The following ANO3 variants were observed in gnomAD, a reference collection of about 807,000 sequenced individuals.
ANO3 encodes anoctamin-3.
A neutral mutation model predicts 144.8 loss-of-function variants in ANO3; 99 were observed. The ratio of observed to expected loss-of-function variants is 0.68; its 90% CI spans 0.58 to 0.81. ANO3 has a LOEUF of 0.81. ANO3 is among the 30% of genes least tolerant of loss of function. The probability of loss-of-function intolerance (pLI) is 0.00; values close to 1 mark genes in which losing one functional copy is unlikely to be tolerated. For missense variants in ANO3, 905 were observed against 1,202.2 expected, an observed-to-expected ratio of 0.75 and a Z score of 3.66; for synonymous variants, 414 against 392.6, an observed-to-expected ratio of 1.05 and a Z score of -0.64.
At chr11:26,503,331 A>T (rs932875558) in intron 4 of ANO3, among the ~76,000 whole-genome samples, 5 of 152,134 alleles carry the variant, frequency 3.3e-5, no homozygotes, top group African/African-American at 1.2e-4. Flanking sequence ...ATTATACCAA[A>T]CAATTCAAGA....
At chr11:26,476,727 G>C (rs1230876175) in intron 4 of ANO3, among the ~76,000 whole-genome samples, 1 of 152,030 alleles carries the variant, frequency 6.6e-6, no homozygotes, top group Non-Finnish European at 1.5e-5. Context: ...ACTGGTTAAA[G>C]GTAAGGTGAA....
At chr11:26,213,371 T>C (rs1176947850) in intron 1 of ANO3, among the ~76,000 whole-genome samples, 1 of 152,096 alleles carries the variant, frequency 6.6e-6, no homozygotes, top group Admixed American at 6.6e-5. Context: ...TGATTGTATA[T>C]TTAGAAGCCC....
upstream of ANO3, among the ~76,000 whole-genome samples, chr11:26,330,950 C>T (rs1234944976): frequency 6.6e-5 from 10 of 152,330 alleles, no homozygotes; most frequent in Middle Eastern, 3.4e-3. Context: ...AACGGACTCT[C>T]ACGATGTGTC....
Position 26,399,522 on chromosome 11 carries a change from C to T in ANO3, c.47-42396C>T, listed in dbSNP as rs143098420. Among the ~76,000 whole-genome samples, 1,132 of 151,922 alleles carry T rather than the reference C, an allele frequency of 7.5e-3. 12 individuals carry two copies. The highest frequency in any genetic ancestry group is 0.026 in the African/African-American group (1,060 of 41,486). ...ACTACAGCACTCAACATCTGGACTT[C>T]GTTCTGTCTCTGTGGGAGGCCCATA... On this transcript the variant is annotated intron_variant, in intron 1 of 26. Transcript: ENST00000256737.
chr11:26,371,942 A>C (rs924306271), intron 1 of ANO3, among the ~76,000 whole-genome samples: 1 of 152,196 alleles, frequency 6.6e-6, no homozygotes, highest in African/African-American at 2.4e-5. Context: ...TTTTCAGTTA[A>C]TGCTGGAATA....
chr11:26,659,111 C>T (rs1053897706), intron 26 of ANO3, among the ~76,000 whole-genome samples: 2 of 133,398 alleles, frequency 1.5e-5, no homozygotes, highest in Non-Finnish European at 3.4e-5. Context: ...TATATATATA[C>T]ACACATACAC....
intron 14 of ANO3, among the ~76,000 whole-genome samples, chr11:26,564,734 T>C (rs11029618): frequency 0.012 from 213 of 17,190 alleles, no homozygotes; most frequent in Middle Eastern, 0.083. Flanking sequence ...CACACACACA[T>C]ATATATATAT....
At chr11:26,473,904 A>T in intron 4 of ANO3, 1 of 982,918 alleles carries the variant, frequency 1.0e-6, no homozygotes, top group South Asian at 4.7e-5. Context: ...TTAAAAAAAA[A>T]TGATTATTCA....
Position 26,242,551 on chromosome 11 carries a change from T to G in ANO3, c.154+53221T>G, listed in dbSNP as rs137942523. Among the ~76,000 whole-genome samples, 660 of 152,326 alleles carry G rather than the reference T, an allele frequency of 4.3e-3. 5 individuals are homozygous for G. The highest frequency in any genetic ancestry group is 0.015 in the African/African-American group (627 of 41,578). On this transcript the variant is annotated intron_variant, in intron 1 of 27. Transcript: ENST00000672621. ...TTCCACCATATAGTTTGTGCATTATTTATCATTCTGTACATCCATTAATAA... is the reference window on the plus strand; with the variant it reads ...TTCCACCATATAGTTTGTGCATTATGTATCATTCTGTACATCCATTAATAA...
At chr11:26,395,043 G>T (rs1856975207) in intron 1 of ANO3, among the ~76,000 whole-genome samples, 1 of 152,054 alleles carries the variant, frequency 6.6e-6, no homozygotes, top group Admixed American at 6.6e-5. Flanking sequence ...GTGGAATTTT[G>T]GGGGTTAAAT....
At chr11:26,364,899 G>T (rs190075341) in intron 1 of ANO3, among the ~76,000 whole-genome samples, 39 of 152,216 alleles carry the variant, frequency 2.6e-4, no homozygotes, top group Non-Finnish European at 5.0e-4. Flanking sequence ...ATACAATCAT[G>T]CCTTCCCAAT....
At chr11:26,535,000 C>G (rs1251714641) in intron 9 of ANO3, among the ~76,000 whole-genome samples, 1 of 151,850 alleles carries the variant, frequency 6.6e-6, no homozygotes. Context: ...TTTATTTACT[C>G]TTATTTTAAC....
At chr11:26,206,885 A>G (rs1268928812) in intron 1 of ANO3, among the ~76,000 whole-genome samples, 1 of 152,206 alleles carries the variant, frequency 6.6e-6, no homozygotes, top group African/African-American at 2.4e-5. Context: ...AGTCAAGTTA[A>G]TAGGAAATGT....
chr11:26,319,657 C>T (rs1854712250), intron 1 of ANO3, among the ~76,000 whole-genome samples: 1 of 152,058 alleles, frequency 6.6e-6, no homozygotes, highest in Non-Finnish European at 1.5e-5. Context: ...GTTAACATAT[C>T]CTATAAAAAT....
Position 26,445,215 on chromosome 11 carries a change from CT to C in ANO3, c.313+1380del, listed in dbSNP as rs1282052284. 5.3e-5 allele frequency among the ~76,000 whole-genome samples: 8 copies of C among 152,066 alleles called. No individual in the cohort carries two copies. In the East Asian group the frequency reaches 1.4e-3, roughly 26 times the overall value. On this transcript the variant is annotated intron_variant, in intron 3 of 26. Transcript: ENST00000256737. Reference sequence around the variant, plus strand: ...TTTGGAGCATTTTGGATTTGGGAAGCTGAAACTATATTATCAGTTATTTTCT... The same window carrying C: ...TTTGGAGCATTTTGGATTTGGGAAGCGAAACTATATTATCAGTTATTTTCT...
At chr11:26,512,759 G>C (rs1460410804) in intron 5 of ANO3, among the ~76,000 whole-genome samples, 1 of 152,144 alleles carries the variant, frequency 6.6e-6, no homozygotes, top group Admixed American at 6.5e-5. Context: ...CATCCTAGAG[G>C]TTGAGAGTAA....
intron 1 of ANO3, among the ~76,000 whole-genome samples, chr11:26,295,408 C>G (rs1352004799): frequency 6.6e-6 from 1 of 150,392 alleles, no homozygotes; most frequent in Non-Finnish European, 1.5e-5. Flanking sequence ...GCCTATAGTC[C>G]CAGCTACTCC....
At chr11:26,405,698 C>G (rs1474494054) in intron 1 of ANO3, among the ~76,000 whole-genome samples, 1 of 151,910 alleles carries the variant, frequency 6.6e-6, no homozygotes, top group African/African-American at 2.4e-5. Context: ...TTTACTTTCT[C>G]TTACTATCAT....
intron 1 of ANO3, among the ~76,000 whole-genome samples, chr11:26,229,962 T>A (rs1462542243): frequency 1.3e-5 from 2 of 152,212 alleles, no homozygotes. Context: ...TCTGATCCTT[T>A]ATTCTTAGCC....
Sources: allele counts gnomAD v4.1 joint callset (sites outside exome capture counted in the v4.1 genomes callset), GRCh38; gene constraint gnomAD v4.1.1; transcripts MANE v1.5; gene names NCBI Gene and HGNC (gene_info 2026-07-23, HGNC 2026-07-21).